Variants in CAMK4 observed in about 807,000 individuals in gnomAD.
CAMK4 encodes the protein calcium/calmodulin-dependent protein kinase type IV.
A neutral mutation model predicts 44.9 loss-of-function variants in CAMK4; 22 were observed. That is an observed-to-expected ratio of 0.49 (90% CI 0.35 to 0.70). CAMK4 has a LOEUF of 0.70. Ranked by LOEUF, CAMK4 falls within the 30% of genes least tolerant of loss-of-function variation. The probability of loss-of-function intolerance (pLI) is 0.01; values close to 1 mark genes in which losing one functional copy is unlikely to be tolerated. For synonymous variants in CAMK4, 218 were observed against 215.4 expected (o/e 1.01, Z -0.11); for missense variants, 498 against 586.8 (o/e 0.85, Z 1.56).
At chr5:111,472,369 G>A (rs1755095686) in intron 7 of CAMK4, among the ~76,000 whole-genome samples, 2 of 152,086 alleles carry the variant, frequency 1.3e-5, no homozygotes, top group African/African-American at 2.4e-5. Context: ...CTTCAAGTAC[G>A]CTGCTGGCAC....
At chr5:111,464,248 G>A (rs148182016) in intron 7 of CAMK4, among the ~76,000 whole-genome samples, 1,709 of 151,634 alleles carry the variant, frequency 0.011, 37 homozygotes, top group African/African-American at 0.039. Context: ...TTCAGAGCTC[G>A]AAGACAAAGT....
intron 1 of CAMK4, among the ~76,000 whole-genome samples, chr5:111,245,470 C>T (rs1362002879): frequency 6.6e-6 from 1 of 152,150 alleles, no homozygotes; most frequent in Non-Finnish European, 1.5e-5. Flanking sequence ...AATGTGGATA[C>T]TAATACATTT....
chr5:111,437,098 C>T lies in CAMK4; in HGVS notation c.460-9588C>T, dbSNP rs564720727. ...AAATCTCATTTATCTCACTAATACT[C>T]AATAAGCACCACTGAGGTGACTAAG... On this transcript the variant is annotated intron_variant, in intron 5 of 10. Coordinates refer to ENST00000282356, the MANE Select transcript of CAMK4 (RefSeq NM_001744.6). 2.0e-5 allele frequency among the ~76,000 whole-genome samples: 3 copies of T among 152,230 alleles called. No homozygotes were observed. In the South Asian group the frequency reaches 6.2e-4, roughly 32 times the overall value.
At chr5:111,309,407 A>C (rs543313011) in intron 1 of CAMK4, among the ~76,000 whole-genome samples, 2 of 151,896 alleles carry the variant, frequency 1.3e-5, no homozygotes, top group East Asian at 1.9e-4. Flanking sequence ...TCAACACCCC[A>C]CTCCCTCTCA....
chr5:111,289,634 T>C (rs1751365943), intron 1 of CAMK4, among the ~76,000 whole-genome samples: 1 of 152,220 alleles, frequency 6.6e-6, no homozygotes, highest in African/African-American at 2.4e-5. Context: ...TTGGACATAA[T>C]TGGACACCAG....
chr5:111,417,836 C>A (rs1368752950), intron 5 of CAMK4, among the ~76,000 whole-genome samples: 1 of 152,100 alleles, frequency 6.6e-6, no homozygotes, highest in South Asian at 2.1e-4. Flanking sequence ...CATTTATTAC[C>A]TTAATTTGCT....
rs560952644 is a variant in CAMK4 at position 111,435,584 on chromosome 5, C to T, written c.460-11102C>T. On this transcript the variant is annotated intron_variant, in intron 5 of 10. Coordinates refer to ENST00000282356, the MANE Select transcript of CAMK4 (RefSeq NM_001744.6). The stretch of plus-strand genomic sequence containing the variant: ...TCTGTAGGGCCAAGGTCAAGATCCC[C>T]AGGTTCTGCTTGGCCAGAGTGTGCA... Among the ~76,000 whole-genome samples the T allele has an allele frequency of 3.9e-4, 60 of 152,288 alleles. No homozygotes were observed. The South Asian group carries it at 4.8e-3, about 12-fold the overall frequency.
intron 5 of CAMK4, among the ~76,000 whole-genome samples, chr5:111,440,080 A>G (rs1291300563): frequency 2.6e-5 from 4 of 152,180 alleles, no homozygotes; most frequent in African/African-American, 9.7e-5. Flanking sequence ...TGGGTTTGAG[A>G]GAATATGGAG....
chr5:111,346,502 C>CTATCTATCTATCTATA lies in CAMK4; in HGVS notation c.240+2413_240+2414insATATATCTATCTATCT, dbSNP rs1196667647. On this transcript the variant is annotated intron_variant, in intron 2 of 10. Coordinates refer to ENST00000282356, the MANE Select transcript of CAMK4 (RefSeq NM_001744.6). ...AAACTTTATCTATCTATCTATCTAT[C>CTATCTATCTATCTATA]TATCTATCTATCTCCATCCATCTAT... Among the ~76,000 whole-genome samples, 11 of 151,836 alleles carry CTATCTATCTATCTATA rather than the reference C, an allele frequency of 7.2e-5. No individual in the cohort carries two copies. In the East Asian group the frequency reaches 1.6e-3, roughly 22 times the overall value.
intron 4 of CAMK4, among the ~76,000 whole-genome samples, chr5:111,380,678 T>C (rs1401267880): frequency 2.0e-5 from 3 of 152,196 alleles, no homozygotes; most frequent in East Asian, 1.9e-4. Context: ...TCCATGTCCC[T>C]GCAAAGGATA....
intron 2 of CAMK4, among the ~76,000 whole-genome samples, chr5:111,355,227 C>T (rs547085165): frequency 5.3e-5 from 8 of 152,170 alleles, no homozygotes; most frequent in African/African-American, 1.9e-4. Context: ...CAGTTGGAAC[C>T]TATTGATTTT....
At chr5:111,441,402 T>G (rs1753818195) in intron 5 of CAMK4, among the ~76,000 whole-genome samples, 1 of 152,214 alleles carries the variant, frequency 6.6e-6, no homozygotes, top group African/African-American at 2.4e-5. Context: ...CTCCTACTAT[T>G]TCTTTTCCTC....
At chr5:111,349,676 A>G (rs1750012523) in intron 2 of CAMK4, among the ~76,000 whole-genome samples, 2 of 151,990 alleles carry the variant, frequency 1.3e-5, no homozygotes, top group Admixed American at 1.3e-4. Flanking sequence ...GGAGTAATTC[A>G]CATGAATTAT....
intron 2 of CAMK4, among the ~76,000 whole-genome samples, chr5:111,346,482 TTATCTATCTATCTATC>T (rs58011893): frequency 2.1e-4 from 32 of 149,918 alleles, no homozygotes; most frequent in Non-Finnish European, 3.6e-4. Flanking sequence ...GCTTGAAACT[TTATCTATCTATCTATC>T]TATCTATCTA....
intron 1 of CAMK4, chr5:111,270,239 A>G (rs1750448336): frequency 6.6e-6 from 1 of 152,222 alleles, no homozygotes; most frequent in Non-Finnish European, 1.5e-5. Context: ...TAGTTGATAT[A>G]AGTTCTGTTC....
chr5:111,349,149 T>C (rs1749990011), intron 2 of CAMK4, among the ~76,000 whole-genome samples: 1 of 151,998 alleles, frequency 6.6e-6, no homozygotes, highest in East Asian at 1.9e-4. Flanking sequence ...GAAGAAGTCA[T>C]CAATTCCCTA....
intron 7 of CAMK4, among the ~76,000 whole-genome samples, chr5:111,455,540 AATG>A (rs1335271313): frequency 6.6e-6 from 1 of 152,232 alleles, no homozygotes; most frequent in Non-Finnish European, 1.5e-5. Context: ...ACTATCCTTG[AATG>A]ATACCTCCCA....
chr5:111,373,897 A>G (rs1314880313), intron 2 of CAMK4, among the ~76,000 whole-genome samples: 1 of 152,174 alleles, frequency 6.6e-6, no homozygotes. Context: ...TGTCTACTAT[A>G]TAACTTTTAG....
intron 1 of CAMK4, among the ~76,000 whole-genome samples, chr5:111,341,982 G>T (rs1187191501): frequency 6.6e-6 from 1 of 151,442 alleles, no homozygotes; most frequent in African/African-American, 2.4e-5. Flanking sequence ...CATTTCATTT[G>T]TATTCATGTC....
Sources: gnomAD v4.1 joint callset for allele counts (sites outside exome capture counted in the v4.1 genomes callset) on GRCh38, gnomAD v4.1.1 for gene constraint, MANE v1.5 for transcripts, NCBI Gene and HGNC (gene_info 2026-07-23, HGNC 2026-07-21) for gene names.